NOX3: variants seen among roughly 807,000 people sequenced by gnomAD.
NOX3 encodes the protein NADPH oxidase catalytic subunit-like 3.
NOX3 carries 74 observed loss-of-function variants against 76.7 expected under a neutral mutation model. That is an observed-to-expected ratio of 0.96 (90% CI 0.80 to 1.17). NOX3 has a LOEUF of 1.17. NOX3 is among the 50% of genes most tolerant of loss of function. NOX3 has a pLI of 0.00. For synonymous variants in NOX3, 263 were observed against 261.1 expected (o/e 1.01, Z -0.07); for missense variants, 695 against 703.3 (o/e 0.99, Z 0.13).
At chr6:155,416,960 A>G (rs955439500) in intron 10 of NOX3, among the ~76,000 whole-genome samples, 1 of 152,014 alleles carries the variant, frequency 6.6e-6, no homozygotes, top group African/African-American at 2.4e-5. Flanking sequence ...CATGTTGGTC[A>G]GGCTGGTCTC....
chr6:155,420,946 A>G (rs1017888433), intron 10 of NOX3, among the ~76,000 whole-genome samples: 2 of 152,180 alleles, frequency 1.3e-5, no homozygotes, highest in African/African-American at 4.8e-5. Flanking sequence ...TTAGCATTAA[A>G]ACTCCCTGTT....
chr6:155,417,893 C>G (rs1035865576), intron 10 of NOX3, among the ~76,000 whole-genome samples: 6 of 151,990 alleles, frequency 3.9e-5, no homozygotes, highest in African/African-American at 1.5e-4. Flanking sequence ...AACCCAAAGG[C>G]CATTTTGCAT....
At chr6:155,397,453 A>T (rs1779154930) in intron 12 of NOX3, among the ~76,000 whole-genome samples, 1 of 152,214 alleles carries the variant, frequency 6.6e-6, no homozygotes, top group South Asian at 2.1e-4. Flanking sequence ...ATACGTGACC[A>T]GATGTTAACT....
chr6:155,443,277 G>A lies in NOX3; in HGVS notation c.482C>T (p.Pro161Leu). ...ESYLNPVRTF[P>L]TNTTTELLRT... Reference sequence around the variant, plus strand: ...TGTTAGCATGCAGGAACTCACTGTGGGGAAGGTCCGGACAGGGTTGAGGTA... The same window carrying A: ...TGTTAGCATGCAGGAACTCACTGTGAGGAAGGTCCGGACAGGGTTGAGGTA... The change falls in exon 5 of 14, where the codon CCC becomes CTC. Residue 161 changes from proline (P) to leucine (L), a missense_variant. Pro to Leu is a moderately conservative substitution (Grantham distance 98). Coordinates refer to ENST00000159060, the MANE Select transcript of NOX3 (RefSeq NM_015718.3). The A allele has an allele frequency of 6.2e-7, 1 of 1,612,374 alleles. No homozygotes were observed. Among genetic ancestry groups the A allele is most frequent in the Non-Finnish European group, 8.5e-7 (1 of 1,178,892 alleles).
chr6:155,404,127 A>ATATAT (rs1373354761), intron 12 of NOX3, among the ~76,000 whole-genome samples: 1 of 145,296 alleles, frequency 6.9e-6, no homozygotes, highest in African/African-American at 2.6e-5. Context: ...ATATATATAT[A>ATATAT]TTTTTTTTTT....
chr6:155,432,500 C>T (rs967209024), intron 7 of NOX3, among the ~76,000 whole-genome samples: 1 of 152,188 alleles, frequency 6.6e-6, no homozygotes, highest in Non-Finnish European at 1.5e-5. Context: ...GCTCCCTGAC[C>T]AGTCATCTGG....
At chr6:155,416,132 T>C (rs888446914) in intron 10 of NOX3, among the ~76,000 whole-genome samples, 3 of 152,190 alleles carry the variant, frequency 2.0e-5, no homozygotes, top group African/African-American at 7.2e-5. Flanking sequence ...ACCTTGACCA[T>C]CGCCTCCTCA....
At chr6:155,433,333 A>G (rs2114697723) in intron 7 of NOX3, among the ~76,000 whole-genome samples, 1 of 152,220 alleles carries the variant, frequency 6.6e-6, no homozygotes, top group African/African-American at 2.4e-5. Flanking sequence ...ATATTAGGAA[A>G]CTGTCCTTGC....
At chr6:155,403,050 T>G (rs541314522) in intron 12 of NOX3, among the ~76,000 whole-genome samples, 3 of 152,256 alleles carry the variant, frequency 2.0e-5, no homozygotes, top group African/African-American at 7.2e-5. Context: ...CCGAGGAAAA[T>G]TAATGTTACT....
Position 155,407,073 on chromosome 6 carries a change from C to T in NOX3, c.1580+57G>A, listed in dbSNP as rs150335719. 825 of 1,602,890 alleles carry T rather than the reference C, an allele frequency of 5.1e-4. 9 individuals are homozygous for T. The African/African-American group carries it at 1.0e-2, about 19-fold the overall frequency. ...GCAGATTAACTTTTCACTCCAGCAG[C>T]CCTTGCATTTCTCCAGAGAAGAGCC... On this transcript the variant is annotated intron_variant, in intron 12 of 13. Transcript: ENST00000159060.
At chr6:155,433,451 A>G (rs1323573005) in intron 7 of NOX3, among the ~76,000 whole-genome samples, 1 of 152,208 alleles carries the variant, frequency 6.6e-6, no homozygotes, top group African/African-American at 2.4e-5. Flanking sequence ...GAAGACCTGG[A>G]TTCTGGCCTT....
intron 11 of NOX3, among the ~76,000 whole-genome samples, chr6:155,407,604 C>G (rs1289381082): frequency 6.6e-6 from 1 of 152,260 alleles, no homozygotes; most frequent in Non-Finnish European, 1.5e-5. Flanking sequence ...TCCTGCCAAA[C>G]TTTTCAACAA....
intron 12 of NOX3, among the ~76,000 whole-genome samples, chr6:155,400,307 GTA>G (rs1779205976): frequency 6.6e-6 from 1 of 152,122 alleles, no homozygotes; most frequent in Non-Finnish European, 1.5e-5. Context: ...TCCTTAAATT[GTA>G]TGTTTGTTTT....
At chr6:155,431,833 G>T (rs764332643) in intron 7 of NOX3, among the ~76,000 whole-genome samples, 21 of 152,174 alleles carry the variant, frequency 1.4e-4, no homozygotes, top group Non-Finnish European at 2.8e-4. Context: ...AGGGACGAAG[G>T]TGTTTCGTAG....
At chr6:155,438,109 G>T (rs570669930) in intron 6 of NOX3, among the ~76,000 whole-genome samples, 8 of 151,982 alleles carry the variant, frequency 5.3e-5, no homozygotes, top group South Asian at 4.2e-4. Flanking sequence ...GTATGTTTAG[G>T]GGGGTAAGCA....
In NOX3 at chr6:155,454,858, T is replaced by C. The variant is rs754394591; in HGVS notation, c.208A>G (p.Ile70Val). ...CLNFNCMLIL[I>V]PVSRNLISFI... Reference sequence around the variant, plus strand: ...GAAATAAGGTTTCGACTGACAGGTATTAGAATTAGCATGCAGTTAAAATTC... The same window carrying C: ...GAAATAAGGTTTCGACTGACAGGTACTAGAATTAGCATGCAGTTAAAATTC... The change falls in exon 3 of 14, where the codon ATA becomes GTA. Residue 70 changes from isoleucine to valine, a missense_variant. By Grantham distance (29) the Ile-to-Val change is conservative. Coordinates refer to ENST00000159060, the MANE Select transcript of NOX3 (RefSeq NM_015718.3). The C allele has an allele frequency of 2.5e-6, 4 of 1,608,780 alleles. No individual in the cohort carries two copies. The African/African-American group carries it at 5.4e-5, about 22-fold the overall frequency.
At chr6:155,448,056 A>T (rs1003792604) in intron 4 of NOX3, among the ~76,000 whole-genome samples, 1 of 152,206 alleles carries the variant, frequency 6.6e-6, no homozygotes, top group Non-Finnish European at 1.5e-5. Flanking sequence ...ATATCATTTC[A>T]TGTTATTAGA....
At chr6:155,453,866 A>G (rs1271426855) in intron 3 of NOX3, among the ~76,000 whole-genome samples, 1 of 152,226 alleles carries the variant, frequency 6.6e-6, no homozygotes, top group East Asian at 1.9e-4. Flanking sequence ...GCATCTATAT[A>G]TAAATATTCA....
chr6:155,436,379 G>A, intron 7 of NOX3, 39 bp downstream of exon 7: 1 of 1,611,552 alleles, frequency 6.2e-7, no homozygotes, highest in Non-Finnish European at 8.5e-7. Context: ...TTTAACTGTG[G>A]TGACATTTAT....
Sources: allele counts gnomAD v4.1 joint callset (sites outside exome capture counted in the v4.1 genomes callset), GRCh38; gene constraint gnomAD v4.1.1; transcripts MANE v1.5; gene names NCBI Gene and HGNC (gene_info 2026-07-23, HGNC 2026-07-21).